MEIS1: variants seen among roughly 807,000 people sequenced by gnomAD.
MEIS1 encodes Meis homeobox 1, also known as homeobox protein Meis1.
In MEIS1, 5 loss-of-function variants were observed where a neutral mutation model predicts 50.8. The observed-to-expected ratio is 0.10, with a 90% CI of 0.05 to 0.21. MEIS1 has a LOEUF of 0.21. Among genes scored for constraint, MEIS1 ranks in the 10% least tolerant of loss-of-function variants. The pLI, the probability that MEIS1 is intolerant of heterozygous loss-of-function variation, is 1.00. For missense variants in MEIS1, 318 were observed against 517.3 expected, an observed-to-expected ratio of 0.61 and a Z score of 3.74; for synonymous variants, 176 against 179.3, an observed-to-expected ratio of 0.98 and a Z score of 0.15.
chr2:66,468,775 A>G (rs1672699907), intron 7 of MEIS1, among the ~76,000 whole-genome samples: 1 of 152,236 alleles, frequency 6.6e-6, no homozygotes, highest in African/African-American at 2.4e-5. Flanking sequence ...CTAGCTGTGA[A>G]TAAGATAGAA....
At chr2:66,438,324 T>C (rs1299928778) in intron 2 of MEIS1, among the ~76,000 whole-genome samples, 1 of 152,234 alleles carries the variant, frequency 6.6e-6, no homozygotes, top group African/African-American at 2.4e-5. Flanking sequence ...GCAGGCGCCT[T>C]TGTGTTGTAA....
At chr2:66,525,553 A>AT (rs1674228859) in intron 8 of MEIS1, among the ~76,000 whole-genome samples, 1 of 152,064 alleles carries the variant, frequency 6.6e-6, no homozygotes, top group African/African-American at 2.4e-5. Context: ...AAAATGTTTT[A>AT]TTTTTTCTCT....
chr2:66,510,458 T>G (rs570215527), intron 7 of MEIS1, among the ~76,000 whole-genome samples: 3 of 152,318 alleles, frequency 2.0e-5, no homozygotes, highest in Non-Finnish European at 4.4e-5. Context: ...GTTTTCATGA[T>G]CTTTTCCAAG....
At chr2:66,497,529 G>C (rs1673436100) in intron 7 of MEIS1, among the ~76,000 whole-genome samples, 1 of 152,102 alleles carries the variant, frequency 6.6e-6, no homozygotes, top group Non-Finnish European at 1.5e-5. Context: ...ACTTTTCCTG[G>C]ATCTGAAAGA....
chr2:66,510,313 G>T (rs2103849941), intron 7 of MEIS1, among the ~76,000 whole-genome samples: 1 of 152,302 alleles, frequency 6.6e-6, no homozygotes, highest in Middle Eastern at 3.4e-3. Context: ...TTGGGTGGAA[G>T]GAGTGCTGAT....
chr2:66,490,428 A>G (rs749723016), intron 7 of MEIS1, among the ~76,000 whole-genome samples: 2 of 152,108 alleles, frequency 1.3e-5, no homozygotes, highest in Non-Finnish European at 2.9e-5. Context: ...GGAAGGGGCC[A>G]AAAAAGGGAA....
At chr2:66,565,475 G>A (rs1265850780) in intron 9 of MEIS1, among the ~76,000 whole-genome samples, 1 of 152,134 alleles carries the variant, frequency 6.6e-6, no homozygotes, top group Non-Finnish European at 1.5e-5. Flanking sequence ...TTCTAGATGA[G>A]TGGCACTATA....
chr2:66,548,059 C>T (rs760480181), intron 9 of MEIS1, 40 bp downstream of exon 9: 1 of 1,592,914 alleles, frequency 6.3e-7, no homozygotes, highest in Non-Finnish European at 8.6e-7. Context: ...AATCTGTTTC[C>T]CCCTCTGGCA....
chr2:66,445,636 T>C (rs963516218), intron 6 of MEIS1, among the ~76,000 whole-genome samples: 1 of 152,090 alleles, frequency 6.6e-6, no homozygotes, highest in Non-Finnish European at 1.5e-5. Context: ...CCCCTCTGTC[T>C]CTAGGGCCCG....
At chr2:66,533,151 T>G (rs1486174750) in intron 8 of MEIS1, among the ~76,000 whole-genome samples, 1 of 152,166 alleles carries the variant, frequency 6.6e-6, no homozygotes, top group Non-Finnish European at 1.5e-5. Context: ...CTCTGCTCCC[T>G]TTTCTCGAGA....
At chr2:66,498,788 A>T (rs1673475568) in intron 7 of MEIS1, among the ~76,000 whole-genome samples, 2 of 152,178 alleles carry the variant, frequency 1.3e-5, no homozygotes, top group South Asian at 4.1e-4. Flanking sequence ...GAACCTTGTT[A>T]AGATGCACAG....
chr2:66,465,531 G>A (rs757290880), intron 7 of MEIS1, among the ~76,000 whole-genome samples: 18 of 152,204 alleles, frequency 1.2e-4, no homozygotes, highest in Non-Finnish European at 2.5e-4. Context: ...TCAATATAAA[G>A]CCCTACTTTC....
intron 9 of MEIS1, among the ~76,000 whole-genome samples, chr2:66,560,858 A>G (rs1675196845): frequency 1.3e-5 from 2 of 152,138 alleles, no homozygotes; most frequent in Non-Finnish European, 2.9e-5. Context: ...CCCTACCCGC[A>G]GACACACTGA....
intron 9 of MEIS1, among the ~76,000 whole-genome samples, chr2:66,557,827 C>T (rs962055110): frequency 1.3e-5 from 2 of 152,112 alleles, no homozygotes; most frequent in Admixed American, 6.5e-5. Context: ...ACTTTTCATT[C>T]GATCATCCCA....
intron 7 of MEIS1, among the ~76,000 whole-genome samples, chr2:66,493,470 T>C (rs1449769509): frequency 1.3e-5 from 2 of 152,222 alleles, no homozygotes; most frequent in Non-Finnish European, 2.9e-5. Context: ...GACTCATTAA[T>C]ATTTTTATTA....
chr2:66,487,063 G>A (rs934219604), intron 7 of MEIS1, among the ~76,000 whole-genome samples: 1 of 152,104 alleles, frequency 6.6e-6, no homozygotes, highest in East Asian at 1.9e-4. Context: ...GACTTCCTCT[G>A]TTCCTATTTG....
chr2:66,444,726 C>A (rs2049019), intron 6 of MEIS1, among the ~76,000 whole-genome samples: 98,775 of 152,144 alleles, frequency 0.65, 32,483 homozygotes, highest in South Asian at 0.79. Flanking sequence ...TGTTGAGTGC[C>A]GATTCTGCTG....
chr2:66,439,597 G>T, intron 2 of MEIS1: 1 of 1,533,034 alleles, frequency 6.5e-7, no homozygotes, highest in Non-Finnish European at 8.7e-7. Flanking sequence ...TCTCCGGCCA[G>T]ATACGCTAAA....
At chr2:66,517,156 T>C (rs768324512) in intron 8 of MEIS1, among the ~76,000 whole-genome samples, 1 of 152,142 alleles carries the variant, frequency 6.6e-6, no homozygotes, top group Non-Finnish European at 1.5e-5. Context: ...TCCTGAAAGA[T>C]CTAGGGGGAG....
Sources: gnomAD v4.1 joint callset for allele counts (sites outside exome capture counted in the v4.1 genomes callset) on GRCh38, gnomAD v4.1.1 for gene constraint, MANE v1.5 for transcripts, NCBI Gene and HGNC (gene_info 2026-07-23, HGNC 2026-07-21) for gene names.